Variants in SRFBP1 observed in about 807,000 individuals in gnomAD.
SRFBP1 encodes serum response factor binding protein 1.
SRFBP1 carries 47 observed loss-of-function variants against 45.5 expected under a neutral mutation model. The observed-to-expected ratio is 1.03, with a 90% confidence interval of 0.82 to 1.32. The LOEUF (loss-of-function observed/expected upper bound fraction) is 1.32. Ranked by LOEUF, SRFBP1 falls within the 40% of genes most tolerant of loss-of-function variation. SRFBP1 has a pLI of 0.00. For missense variants in SRFBP1, 621 were observed against 484.6 expected, an observed-to-expected ratio of 1.28 and a Z score of -2.64; for synonymous variants, 203 against 166.3, an observed-to-expected ratio of 1.22 and a Z score of -1.70.
intron 3 of SRFBP1, among the ~76,000 whole-genome samples, chr5:121,981,200 C>T (rs1216342605): frequency 6.6e-6 from 1 of 151,610 alleles, no homozygotes; most frequent in Non-Finnish European, 1.5e-5. Flanking sequence ...CCTCAAGACA[C>T]ACTAAAATTT....
In SRFBP1 at chr5:121,990,512, C is replaced by A. The variant is rs78399673; in HGVS notation, c.199-4087C>A. 4.0e-3 allele frequency among the ~76,000 whole-genome samples: 614 copies of A among 152,220 alleles called. 17 individuals carry two copies. The highest frequency in any genetic ancestry group is 0.033 in the Admixed American group (503 of 15,276). ...AGCATGACGGGATCTTTACTCCAAA[C>A]CTCAGCATCACACAATATTCCCATG... On this transcript the variant is annotated intron_variant, in intron 3 of 7. Transcript: ENST00000339397.
At chr5:121,962,226 T>C (rs1224863399) in intron 1 of SRFBP1, among the ~76,000 whole-genome samples, 158 bp downstream of exon 1, 1 of 152,186 alleles carries the variant, frequency 6.6e-6, no homozygotes, top group Non-Finnish European at 1.5e-5. Flanking sequence ...CAACCGGTAA[T>C]TTCCCTTTTC....
At chr5:122,005,292 T>C (rs1752952385) in intron 4 of SRFBP1, among the ~76,000 whole-genome samples, 2 of 152,202 alleles carry the variant, frequency 1.3e-5, no homozygotes, top group East Asian at 3.8e-4. Flanking sequence ...TTCCTTCAGC[T>C]CCGTTAACAT....
intron 2 of SRFBP1, among the ~76,000 whole-genome samples, chr5:122,036,650 T>C (rs1441529366): frequency 6.6e-6 from 1 of 152,182 alleles, no homozygotes; most frequent in African/African-American, 2.4e-5. Flanking sequence ...TGTAAAAACC[T>C]TGAGCACCAA....
At chr5:122,056,938 A>G (rs965845863) in intron 2 of SRFBP1, among the ~76,000 whole-genome samples, 1 of 152,342 alleles carries the variant, frequency 6.6e-6, no homozygotes, top group African/African-American at 2.4e-5. Context: ...ACCAGTGAAG[A>G]GGACAATTGG....
chr5:121,979,154 A>G (rs1167847498), intron 3 of SRFBP1, among the ~76,000 whole-genome samples: 1 of 152,254 alleles, frequency 6.6e-6, no homozygotes, highest in Non-Finnish European at 1.5e-5. Context: ...CATCATCAAA[A>G]TAATATAATA....
chr5:122,065,582 G>A (rs774377726), intron 2 of SRFBP1: 1 of 151,986 alleles, frequency 6.6e-6, no homozygotes, highest in Non-Finnish European at 1.5e-5. Flanking sequence ...GTAATACTAT[G>A]TGCTTTGCTA....
intron 3 of SRFBP1, among the ~76,000 whole-genome samples, chr5:121,992,167 G>A (rs1234511872): frequency 6.6e-6 from 1 of 152,066 alleles, no homozygotes; most frequent in East Asian, 1.9e-4. Flanking sequence ...ACAGTAACAG[G>A]ACTGTATTAT....
chr5:122,077,016 G>A (rs1171446971), downstream of SRFBP1: 2 of 1,611,812 alleles, frequency 1.2e-6, no homozygotes, highest in South Asian at 1.1e-5. This position sits in a 1 kb window ranked among gnomAD's most constrained non-coding sequence, Gnocchi z 4.9. Flanking sequence ...ACGTCAGCAG[G>A]CGACGGGCGC....
In SRFBP1 at chr5:122,020,507, A is replaced by G. The variant is rs1753289760; in HGVS notation, c.772A>G (p.Lys258Glu). The G allele has an allele frequency of 3.1e-6, 5 of 1,613,988 alleles. No homozygotes were observed. The highest frequency in any genetic ancestry group is 4.2e-6 in the Non-Finnish European group (5 of 1,180,000). The part of the protein sequence containing the change: ...DGGEEFCEEE[K>E]EYFDDSTEER... ...CGGAGAAGAATTTTGTGAAGAGGAG[A>G]AGGAATATTTTGATGATAGCACAGA... Residue 258 changes from lysine (K) to glutamate (E), a missense_variant, in exon 6 of 8, where the codon AAG becomes GAG. Physicochemically the swap from Lys to Glu is moderately conservative, Grantham distance 56. Coordinates refer to ENST00000339397, the MANE Select transcript of SRFBP1 (RefSeq NM_152546.3).
At chr5:121,987,229 C>T (rs1189211703) in intron 3 of SRFBP1, among the ~76,000 whole-genome samples, 1 of 152,016 alleles carries the variant, frequency 6.6e-6, no homozygotes, top group East Asian at 1.9e-4. Context: ...GTGATAGGAG[C>T]ATAACAGAAG....
At chr5:122,015,736 A>AG (rs1580527334) in intron 4 of SRFBP1, among the ~76,000 whole-genome samples, 2 of 152,246 alleles carry the variant, frequency 1.3e-5, no homozygotes, top group Admixed American at 1.3e-4. Flanking sequence ...TAAAAGTGGC[A>AG]GTACTCTATT....
intron 4 of SRFBP1, among the ~76,000 whole-genome samples, chr5:121,995,433 G>A (rs998253501): frequency 2.0e-5 from 3 of 152,238 alleles, no homozygotes; most frequent in East Asian, 1.9e-4. Flanking sequence ...ACAACGAAAT[G>A]AAGGCAGAAA....
chr5:122,061,603 A>C (rs1320074381), intron 2 of SRFBP1, among the ~76,000 whole-genome samples: 1 of 152,076 alleles, frequency 6.6e-6, no homozygotes, highest in Admixed American at 6.6e-5. Context: ...ACATAATTTT[A>C]AGTATACAAA....
rs1753293393 is a variant in SRFBP1, at chr5:122,020,583, A to C, written c.848A>C (p.Asp283Ala). The change falls in exon 6 of 8, where the codon GAC becomes GCC. Residue 283 changes from aspartate to alanine, a missense_variant. By Grantham distance (126) the Asp-to-Ala change is moderately radical (BLOSUM62 -2). Transcript: ENST00000339397. ...SSMSEDSDSG[D>A]DFFIGKVRRT... is the part of the protein sequence containing the mutation. ...ATGTCTGAAGATAGTGATAGCGGTG[A>C]CGACTTCTTCATTGGGAAAGTCAGA... is the stretch of plus-strand genomic sequence containing the variant. 1 of 1,613,822 alleles carries C rather than the reference A, an allele frequency of 6.2e-7. No individual in the cohort carries two copies. The highest frequency in any genetic ancestry group is 8.5e-7 in the Non-Finnish European group (1 of 1,179,940).
chr5:121,976,418 G>A (rs1192603396), intron 3 of SRFBP1, among the ~76,000 whole-genome samples: 1 of 151,070 alleles, frequency 6.6e-6, no homozygotes, highest in East Asian at 1.9e-4. Flanking sequence ...GTATTTGACT[G>A]TCAGTGATCA....
intron 3 of SRFBP1, among the ~76,000 whole-genome samples, chr5:121,990,578 T>TTG (rs1476042986): frequency 6.6e-6 from 1 of 152,032 alleles, no homozygotes; most frequent in Non-Finnish European, 1.5e-5. Context: ...AAAATAAAAG[T>TTG]TGGGAAAAAA....
intron 2 of SRFBP1, among the ~76,000 whole-genome samples, chr5:122,038,868 T>C (rs1753731052): frequency 6.6e-6 from 1 of 152,050 alleles, no homozygotes; most frequent in Non-Finnish European, 1.5e-5. Context: ...ACTTTGGGGC[T>C]CCCAAACTTT....
At chr5:121,975,058 G>A (rs1752273601) in intron 2 of SRFBP1, among the ~76,000 whole-genome samples, 1 of 151,840 alleles carries the variant, frequency 6.6e-6, no homozygotes, top group African/African-American at 2.4e-5. Context: ...ACTAGAGAAG[G>A]CAAACTATCA....
Sources: gnomAD v4.1 joint callset for allele counts (sites outside exome capture counted in the v4.1 genomes callset) on GRCh38, gnomAD v4.1.1 for gene constraint, Gnocchi (gnomAD v3.1) non-coding constraint, MANE v1.5 for transcripts, NCBI Gene and HGNC (gene_info 2026-07-23, HGNC 2026-07-21) for gene names.